SDK2: variants seen among roughly 807,000 people sequenced by gnomAD.
The protein encoded by SDK2 is sidekick cell adhesion molecule 2, also known as protein sidekick-2.
Under a neutral mutation model 253.9 loss-of-function variants are expected in SDK2, and 105 were observed. The observed-to-expected ratio is 0.41, with a 90% CI of 0.35 to 0.49. The LOEUF is 0.49. SDK2 is among the 20% of genes least tolerant of loss of function. The pLI, the probability that SDK2 is intolerant of heterozygous loss-of-function variation, is 0.06. For synonymous variants in SDK2, 1,249 were observed against 1,234.9 expected (o/e 1.01, Z -0.24); for missense variants, 2,608 against 3,003.0 (o/e 0.87, Z 3.07).
intron 1 of SDK2, among the ~76,000 whole-genome samples, chr17:73,594,743 C>T (rs980925706): frequency 6.6e-6 from 1 of 152,020 alleles, no homozygotes; most frequent in African/African-American, 2.4e-5. Context: ...CAGATGCACA[C>T]AAATACACTT....
At position 73,402,102 on chromosome 17, in the gene SDK2, T is replaced by C. The variant is rs773038864; in HGVS notation, c.2524A>G (p.Met842Val). The change falls in exon 19 of 45, where the codon ATG becomes GTG. Residue 842 changes from methionine (M) to valine (V), a missense_variant. Coordinates refer to ENST00000392650, the MANE Select transcript of SDK2 (RefSeq NM_001144952.2). ...TGAAAGTTAGGCCGGGCGGTCACCA[T>C]GGTAACCTCCTCTTCCTGTTCCGGC... ...WEPEQEEEVTMVTARPNFQDS... is the reference protein window; with the variant it reads ...WEPEQEEEVTVVTARPNFQDS... 66 of 1,613,870 alleles carry C rather than the reference T, an allele frequency of 4.1e-5. No individual in the cohort carries two copies. The East Asian group carries it at 1.5e-3, about 36-fold the overall frequency.
At chr17:73,349,778 A>G (rs2145392980) in intron 43 of SDK2, among the ~76,000 whole-genome samples, 1 of 152,268 alleles carries the variant, frequency 6.6e-6, no homozygotes, top group South Asian at 2.1e-4. Context: ...AGGAGGGCAT[A>G]GCGATAATGC....
intron 6 of SDK2, among the ~76,000 whole-genome samples, chr17:73,440,229 C>T (rs145202429): frequency 5.9e-5 from 9 of 152,018 alleles, no homozygotes; most frequent in Middle Eastern, 3.4e-3. Context: ...TGTCAGCCTC[C>T]AGAGTAGGTG....
Position 73,414,682 on chromosome 17 carries a change from T to C in SDK2, c.2446A>G (p.Ser816Gly). ...TTIRFTWNAP[S>G]PQFINGINQG... ...TTGATGCCGTTGATGAACTGGGGGC[T>C]GGGGGCGTTCCAGGTGAAGCGGATG... Residue 816 changes from serine to glycine, a missense_variant, in exon 18 of 45, where the codon AGC (serine) becomes GGC (glycine). Transcript: ENST00000392650. The C allele has an allele frequency of 3.1e-6, 5 of 1,613,862 alleles. No individual in the cohort carries two copies. Among genetic ancestry groups the C allele is most frequent in the Non-Finnish European group, 4.2e-6 (5 of 1,179,846 alleles).
At chr17:73,390,965 G>A (rs866792958) in intron 28 of SDK2, among the ~76,000 whole-genome samples, 31 of 152,336 alleles carry the variant, frequency 2.0e-4, no homozygotes, top group Middle Eastern at 3.4e-3. Context: ...CACTGAGGCC[G>A]CAGAGGGGAG....
intron 1 of SDK2, among the ~76,000 whole-genome samples, chr17:73,605,331 G>A (rs2143086128): frequency 6.6e-6 from 1 of 152,308 alleles, no homozygotes; most frequent in East Asian, 1.9e-4. Context: ...TGGAGGTCCA[G>A]GTGAGGGGGC....
chr17:73,417,044 G>T (rs552609499), intron 16 of SDK2, among the ~76,000 whole-genome samples: 10 of 152,228 alleles, frequency 6.6e-5, no homozygotes, highest in Admixed American at 3.9e-4. Context: ...TAATCGACTG[G>T]TTATAGGTGT....
intron 33 of SDK2, among the ~76,000 whole-genome samples, chr17:73,382,884 C>G (rs2062842761): frequency 6.6e-6 from 1 of 152,174 alleles, no homozygotes; most frequent in South Asian, 2.1e-4. Flanking sequence ...ACAACATTAG[C>G]TGGGCGTGGT....
chr17:73,406,032 A>AT (rs1377562888), intron 18 of SDK2, among the ~76,000 whole-genome samples: 2 of 151,548 alleles, frequency 1.3e-5, no homozygotes, highest in East Asian at 3.9e-4. Context: ...CCCTCCTCTT[A>AT]TATATCTTAA....
At chr17:73,525,914 G>A (rs748800918) in intron 1 of SDK2, among the ~76,000 whole-genome samples, 45 of 152,194 alleles carry the variant, frequency 3.0e-4, no homozygotes, top group Non-Finnish European at 5.6e-4. Context: ...CACGTACTAC[G>A]TGCCACAAAA....
chr17:73,519,596 C>T (rs1335208832), intron 1 of SDK2: 1 of 152,172 alleles, frequency 6.6e-6, no homozygotes, highest in Non-Finnish European at 1.5e-5. Context: ...TCCCAGCCTC[C>T]TTAGGGGAGT....
intron 1 of SDK2, among the ~76,000 whole-genome samples, chr17:73,562,505 C>T (rs553626343): frequency 5.3e-5 from 8 of 152,190 alleles, no homozygotes; most frequent in African/African-American, 1.4e-4. Flanking sequence ...ACAACAGCCA[C>T]GTGGAATCTG....
chr17:73,567,398 G>A (rs562043116), intron 1 of SDK2, among the ~76,000 whole-genome samples: 15 of 152,118 alleles, frequency 9.9e-5, no homozygotes, highest in Non-Finnish European at 2.2e-4. Context: ...GGCCTGCCAC[G>A]GGGCGGAGCC....
intron 2 of SDK2, among the ~76,000 whole-genome samples, chr17:73,505,823 T>C (rs1310346076): frequency 6.6e-6 from 1 of 152,052 alleles, no homozygotes; most frequent in East Asian, 1.9e-4. Flanking sequence ...ATCATCATCA[T>C]CACCACCAAT....
At chr17:73,437,358 C>T (rs915628516) in intron 8 of SDK2, among the ~76,000 whole-genome samples, 1 of 152,066 alleles carries the variant, frequency 6.6e-6, no homozygotes, top group Admixed American at 6.5e-5. Flanking sequence ...CAAAATGGCC[C>T]AGGAAACAGG....
intron 2 of SDK2, among the ~76,000 whole-genome samples, chr17:73,488,874 T>C (rs1292650049): frequency 2.6e-5 from 4 of 152,158 alleles, no homozygotes; most frequent in African/African-American, 9.7e-5. Context: ...CCTTTGTTTT[T>C]TATCGCACAG....
intron 3 of SDK2, among the ~76,000 whole-genome samples, chr17:73,463,301 G>A (rs763876973): frequency 1.1e-4 from 16 of 152,146 alleles, no homozygotes; most frequent in Non-Finnish European, 1.9e-4. Context: ...TGATGTCTTT[G>A]TCATATCTTA....
At chr17:73,573,557 C>T (rs963408542) in intron 1 of SDK2, among the ~76,000 whole-genome samples, 2 of 152,156 alleles carry the variant, frequency 1.3e-5, no homozygotes, top group Non-Finnish European at 2.9e-5. Context: ...ATCCTGCTGG[C>T]TCTACCCGCC....
In SDK2 at chr17:73,507,518, G is replaced by A; in HGVS notation, c.144C>T (p.Cys48=). ...HLEGNRLVLT[C]MAEGSWPLEF... ...CCAGTGGCCAGCTGCCCTCGGCCAT[G>A]CATGTAAGCACCAGGCGGTTTCCTT... Residue 48 remains cysteine, a synonymous_variant, in exon 2 of 45, where the codon TGC becomes TGT. Coordinates refer to ENST00000392650, the MANE Select transcript of SDK2 (RefSeq NM_001144952.2). 1 of 1,551,686 alleles carries A rather than the reference G, an allele frequency of 6.4e-7. No homozygotes were observed. Among genetic ancestry groups the A allele is most frequent in the South Asian group, 1.2e-5 (1 of 84,046 alleles).
Sources: allele counts gnomAD v4.1 joint callset (sites outside exome capture counted in the v4.1 genomes callset), GRCh38; gene constraint gnomAD v4.1.1; transcripts MANE v1.5; gene names NCBI Gene and HGNC (gene_info 2026-07-23, HGNC 2026-07-21).